DYNC1I1: variants seen among roughly 807,000 people sequenced by gnomAD.
DYNC1I1 encodes cytoplasmic dynein 1 intermediate chain 1.
DYNC1I1 carries 43 observed loss-of-function variants against 86.6 expected under a neutral mutation model. The ratio of observed to expected loss-of-function variants is 0.50; its 90% CI spans 0.39 to 0.64. The LOEUF is 0.64. Ranked by LOEUF, DYNC1I1 falls within the 30% of genes least tolerant of loss-of-function variation. DYNC1I1 has a pLI of 0.00. For synonymous variants in DYNC1I1, 262 were observed against 283.7 expected (o/e 0.92, Z 0.77); for missense variants, 604 against 788.8 (o/e 0.77, Z 2.81).
At chr7:96,039,871 T>G (rs979118087) in intron 14 of DYNC1I1, among the ~76,000 whole-genome samples, 7 of 152,082 alleles carry the variant, frequency 4.6e-5, no homozygotes, top group Admixed American at 3.3e-4. Context: ...GTTCGTTGAT[T>G]GGTTGTTTAT....
chr7:96,073,690 C>T (rs1171916934), intron 14 of DYNC1I1, among the ~76,000 whole-genome samples: 3 of 152,100 alleles, frequency 2.0e-5, no homozygotes. Flanking sequence ...ATATATAAAC[C>T]TTTAACACCC....
intron 10 of DYNC1I1, among the ~76,000 whole-genome samples, chr7:96,025,757 G>A (rs1584259643): frequency 6.6e-6 from 1 of 151,258 alleles, no homozygotes; most frequent in African/African-American, 2.4e-5. Flanking sequence ...CTAGTTGATT[G>A]CCAACTATGT....
At chr7:96,063,101 A>T (rs28609586) in intron 14 of DYNC1I1, among the ~76,000 whole-genome samples, 1 of 128,212 alleles carries the variant, frequency 7.8e-6, no homozygotes, top group Non-Finnish European at 1.6e-5. Context: ...GTGTGTGTGT[A>T]TATATATGTG....
intron 5 of DYNC1I1, among the ~76,000 whole-genome samples, chr7:95,863,575 G>A (rs868645377): frequency 5.9e-5 from 9 of 152,102 alleles, no homozygotes; most frequent in South Asian, 2.1e-4. Context: ...CTGCTTCTCC[G>A]TGCCTTTCAT....
chr7:95,825,247 A>G (rs1005581900), intron 4 of DYNC1I1, among the ~76,000 whole-genome samples: 1 of 152,208 alleles, frequency 6.6e-6, no homozygotes, highest in African/African-American at 2.4e-5. Flanking sequence ...TATACTTCTT[A>G]AGGGTATAGT....
intron 15 of DYNC1I1, among the ~76,000 whole-genome samples, chr7:96,080,105 T>C (rs1790467310): frequency 6.6e-6 from 1 of 152,186 alleles, no homozygotes; most frequent in South Asian, 2.1e-4. Context: ...TTCATGCCAC[T>C]TACTGCCCGG....
At chr7:95,951,939 C>A (rs533766687) in intron 6 of DYNC1I1, among the ~76,000 whole-genome samples, 1 of 152,244 alleles carries the variant, frequency 6.6e-6, no homozygotes, top group South Asian at 2.1e-4. Flanking sequence ...TCCTTTTAAT[C>A]TCTATCGGAA....
chr7:95,978,150 C>T (rs1468191070), intron 7 of DYNC1I1, among the ~76,000 whole-genome samples: 1 of 152,134 alleles, frequency 6.6e-6, no homozygotes, highest in Non-Finnish European at 1.5e-5. Context: ...TCTAAGCACT[C>T]CACAGATATT....
At chr7:96,110,099 TTA>T (rs1350634222), downstream of DYNC1I1, 15 of 443,314 alleles carry the variant, frequency 3.4e-5, no homozygotes, top group Non-Finnish European at 5.9e-5. Context: ...TGCCTGCTTG[TTA>T]TATCAGCTAC....
chr7:96,071,832 T>C (rs1474152959), intron 14 of DYNC1I1, among the ~76,000 whole-genome samples: 2 of 152,198 alleles, frequency 1.3e-5, no homozygotes, highest in East Asian at 3.8e-4. Flanking sequence ...TTAGTAAATA[T>C]TGATGGAATT....
intron 5 of DYNC1I1, among the ~76,000 whole-genome samples, chr7:95,861,892 A>T (rs1006871914): frequency 2.0e-5 from 3 of 152,200 alleles, no homozygotes; most frequent in African/African-American, 4.8e-5. Flanking sequence ...AGCAAGTGGC[A>T]TCAATGAAAA....
chr7:95,990,297 C>T (rs1322386879), intron 9 of DYNC1I1, among the ~76,000 whole-genome samples: 2 of 152,110 alleles, frequency 1.3e-5, no homozygotes, highest in Non-Finnish European at 1.5e-5. Flanking sequence ...GATCTTACTC[C>T]CACCATGTAT....
rs75755184 is a variant in DYNC1I1, at chr7:95,960,109, T to C, written c.491-17403T>C. 7.2e-3 allele frequency among the ~76,000 whole-genome samples: 1,094 copies of C among 152,250 alleles called. 33 individuals carry two copies. Among genetic ancestry groups the C allele is most frequent in the Admixed American group, 0.035 (535 of 15,272 alleles). ...GAAATGAGAAAATGCTGGAATGTTT[T>C]TGTTTTGTTTTTTTGAGACGGAGTT... On this transcript the variant is annotated intron_variant, in intron 6 of 16. Transcript: ENST00000447467.
intron 7 of DYNC1I1, 48 bp downstream of exon 7, chr7:95,977,649 G>T (rs1793343058): frequency 1.9e-6 from 3 of 1,565,478 alleles, no homozygotes; most frequent in Non-Finnish European, 2.6e-6. Flanking sequence ...GTTTTGTTTT[G>T]TTTGCCTTTA....
intron 6 of DYNC1I1, among the ~76,000 whole-genome samples, chr7:95,946,331 A>C (rs570509642): frequency 4.6e-5 from 7 of 152,138 alleles, no homozygotes; most frequent in African/African-American, 1.7e-4. Context: ...ATATGGAGAG[A>C]ATGATATTTA....
chr7:95,995,905 T>A (rs563439463), intron 9 of DYNC1I1, 43 bp from the exon 10 acceptor site: 4 of 1,548,658 alleles, frequency 2.6e-6, no homozygotes, highest in South Asian at 2.6e-5. Context: ...TTCCTTGTGT[T>A]GTCATCTTAG....
chr7:96,102,920 C>A (rs1353953986), downstream of DYNC1I1, among the ~76,000 whole-genome samples: 1 of 152,126 alleles, frequency 6.6e-6, no homozygotes, highest in African/African-American at 2.4e-5. Flanking sequence ...TCCATACAAC[C>A]AATTATAAGT....
Position 96,043,136 on chromosome 7 carries a change from T to A in DYNC1I1, c.1509+3715T>A, listed in dbSNP as rs571418571. 3.1e-3 allele frequency among the ~76,000 whole-genome samples: 433 copies of A among 139,552 alleles called. 2 individuals are homozygous for A. Among genetic ancestry groups the A allele is most frequent in the African/African-American group, 0.011 (414 of 36,704 alleles). The allele number at this position is 139,552 out of a possible 152,430, so 91.6% of individuals were successfully genotyped here. A position where few individuals can be genotyped will look rare whatever the true frequency, so the allele number is the denominator to read the frequency against. On this transcript the variant is annotated intron_variant, in intron 14 of 16. Coordinates refer to ENST00000447467, the MANE Select transcript of DYNC1I1 (RefSeq NM_001135556.2). ...GTGAACCGAGATCGTGCCACTGCAC[T>A]CCAACCTGGTGACAGAGTGAGACTC...
At chr7:95,903,260 A>G (rs1441874557) in intron 6 of DYNC1I1, among the ~76,000 whole-genome samples, 1 of 152,224 alleles carries the variant, frequency 6.6e-6, no homozygotes, top group African/African-American at 2.4e-5. Context: ...TAGTTTTTAC[A>G]TCTTTTGCAC....
Sources: gnomAD v4.1 joint callset for allele counts (sites outside exome capture counted in the v4.1 genomes callset) on GRCh38, gnomAD v4.1.1 for gene constraint, MANE v1.5 for transcripts, NCBI Gene and HGNC (gene_info 2026-07-23, HGNC 2026-07-21) for gene names.